Variants in CILK1 observed in about 807,000 individuals in gnomAD.
CILK1 encodes serine/threonine-protein kinase ICK.
Under a neutral mutation model 79.2 loss-of-function variants are expected in CILK1, and 47 were observed. That is an observed-to-expected ratio of 0.59 (90% CI 0.47 to 0.76). CILK1 has a LOEUF of 0.76. Among genes scored for constraint, CILK1 ranks in the 30% least tolerant of loss-of-function variants. The pLI is 0.00. For missense variants in CILK1, 660 were observed against 769.5 expected, an observed-to-expected ratio of 0.86 and a Z score of 1.68; for synonymous variants, 266 against 275.9, an observed-to-expected ratio of 0.96 and a Z score of 0.36.
At chr6:53,041,908 C>CT (rs934652891) in intron 1 of CILK1, among the ~76,000 whole-genome samples, 36 of 149,006 alleles carry the variant, frequency 2.4e-4, no homozygotes, top group Non-Finnish European at 3.6e-4. Flanking sequence ...ATTACCTTAC[C>CT]TTTTTTTTTT....
Position 53,008,943 on chromosome 6 carries a change from T to C in CILK1, c.1621+496A>G, listed in dbSNP as rs369785133. Among the ~76,000 whole-genome samples, 5 of 152,184 alleles carry C rather than the reference T, an allele frequency of 3.3e-5. No individual in the cohort carries two copies. In the East Asian group the frequency reaches 5.8e-4, roughly 18 times the overall value. ...TACTGTGAACAGGGTTTGTCAGCCT[T>C]GGGACTCAGTAAATTCATTCATCCG... On this transcript the variant is annotated intron_variant, in intron 12 of 13. Transcript: ENST00000676107.
At chr6:53,042,730 A>C (rs1293267013) in intron 1 of CILK1, among the ~76,000 whole-genome samples, 1 of 152,262 alleles carries the variant, frequency 6.6e-6, no homozygotes, top group Non-Finnish European at 1.5e-5. Flanking sequence ...AGACAAGGAC[A>C]GACTAAGGAA....
chr6:53,014,872 A>G (rs541009855), intron 8 of CILK1, among the ~76,000 whole-genome samples: 1 of 152,308 alleles, frequency 6.6e-6, no homozygotes, highest in South Asian at 2.1e-4. Context: ...TCCTTGTTAC[A>G]GAATCTTTTT....
chr6:53,031,068 G>C lies in CILK1; in HGVS notation c.355C>G (p.His119Asp). The change falls in exon 5 of 14, where the codon CAC becomes GAC. Residue 119 changes from histidine to aspartate, a missense_variant. By Grantham distance (81) the His-to-Asp change is moderately conservative (BLOSUM62 -1). Coordinates refer to ENST00000676107, the MANE Select transcript of CILK1 (RefSeq NM_014920.5). Reference protein sequence around the residue: ...ILQGLAFIHKHGFFHRDLKPE... With the variant: ...ILQGLAFIHKDGFFHRDLKPE... ...CACAACACTCCGAATCACCTACCGTGTTTGTGAATAAATGCGAGTCCTTGT... is the reference window on the plus strand; with the variant it reads ...CACAACACTCCGAATCACCTACCGTCTTTGTGAATAAATGCGAGTCCTTGT... 1 of 1,589,846 alleles carries C rather than the reference G, an allele frequency of 6.3e-7. No individual in the cohort carries two copies. Among genetic ancestry groups the C allele is most frequent in the East Asian group, 2.2e-5 (1 of 44,722 alleles).
intron 5 of CILK1, among the ~76,000 whole-genome samples, chr6:53,026,319 T>C (rs1257360567): frequency 6.6e-6 from 1 of 152,074 alleles, no homozygotes; most frequent in African/African-American, 2.4e-5. Context: ...CAGCTAATTT[T>C]TGTATTTTTA....
Position 53,016,205 on chromosome 6 carries a change from G to T in CILK1, c.709C>A (p.Arg237Ser). The T allele has an allele frequency of 6.2e-7, 1 of 1,614,062 alleles. No individual in the cohort carries two copies. The highest frequency in any genetic ancestry group is 1.6e-4 in the Middle Eastern group (1 of 6,062). The change falls in exon 8 of 14, where the codon CGT becomes AGT. Residue 237 changes from arginine to serine, a missense_variant. Arg to Ser is a moderately radical substitution (Grantham distance 110). Transcript: ENST00000676107. ...GYQLSSAMNFRWPQCVPNNLK... is the reference protein window; with the variant it reads ...GYQLSSAMNFSWPQCVPNNLK... ...TTATTGGGTACACACTGTGGCCAAC[G>T]GAAGTTCATTGCACTTGAAAGTTGA... is the stretch of plus-strand genomic sequence containing the variant.
chr6:53,059,863 C>CTCAT (rs559359003), intron 1 of CILK1, among the ~76,000 whole-genome samples: 326 of 152,300 alleles, frequency 2.1e-3, no homozygotes, highest in African/African-American at 7.3e-3. Context: ...AGGGATGCTT[C>CTCAT]TCATTCATTC....
intron 1 of CILK1, among the ~76,000 whole-genome samples, chr6:53,043,826 A>T (rs1010045542): frequency 1.3e-5 from 2 of 152,312 alleles, no homozygotes; most frequent in South Asian, 4.1e-4. Flanking sequence ...AAGTATGTGG[A>T]GGGGAATTAA....
chr6:53,052,767 C>A (rs915167202), intron 1 of CILK1, among the ~76,000 whole-genome samples: 5 of 151,636 alleles, frequency 3.3e-5, no homozygotes, highest in African/African-American at 1.2e-4. Flanking sequence ...TAGGGAATTT[C>A]CTATATAAAT....
At chr6:53,009,366 A>G (rs1764423754) in intron 12 of CILK1, 73 bp downstream of exon 12, 2 of 1,461,120 alleles carry the variant, frequency 1.4e-6, no homozygotes, top group African/African-American at 2.8e-5. Context: ...CCGTCCCATG[A>G]CTCCTTGTGC....
At chr6:53,031,796 T>A (rs961300599) in intron 4 of CILK1, among the ~76,000 whole-genome samples, 1 of 152,196 alleles carries the variant, frequency 6.6e-6, no homozygotes, top group East Asian at 1.9e-4. Context: ...AATGGAAAAC[T>A]GCAATGTCTA....
chr6:53,055,505 T>C lies in CILK1; in HGVS notation c.-173+6091A>G, dbSNP rs143155470. On this transcript the variant is annotated intron_variant, in intron 1 of 13. Coordinates refer to ENST00000676107, the MANE Select transcript of CILK1 (RefSeq NM_014920.5). ...TTCTTTACATGGATCTTGCTTTGTC[T>C]TTACCTTGACAGAGGAGTGAATTAA... Among the ~76,000 whole-genome samples, 96 of 152,358 alleles carry C rather than the reference T, an allele frequency of 6.3e-4. 1 individual carries two copies. Among genetic ancestry groups the C allele is most frequent in the Middle Eastern group, 3.4e-3 (1 of 294 alleles).
At chr6:53,050,237 C>T (rs1044621592) in intron 1 of CILK1, among the ~76,000 whole-genome samples, 1 of 151,920 alleles carries the variant, frequency 6.6e-6, no homozygotes, top group African/African-American at 2.4e-5. Flanking sequence ...CATTAGCATA[C>T]AAAGATTTCA....
intron 5 of CILK1, among the ~76,000 whole-genome samples, chr6:53,029,869 C>T (rs1307722533): frequency 6.6e-6 from 1 of 152,172 alleles, no homozygotes; most frequent in Non-Finnish European, 1.5e-5. Flanking sequence ...TCTACCTATG[C>T]AAAATCAGCT....
Position 53,011,773 on chromosome 6 carries a change from C to G in CILK1, c.1488G>C (p.Leu496Phe). The G allele has an allele frequency of 6.2e-7, 1 of 1,613,936 alleles. No individual in the cohort carries two copies. The highest frequency in any genetic ancestry group is 8.5e-7 in the Non-Finnish European group (1 of 1,179,840). ...KQHYLKHSRY[L>F]PGISIRNGIL... ...AAGCCAAGTCATTTATATTACCAGG[C>G]AAGTATCGAGAGTGCTTCAAATAGT... The change falls in exon 11 of 14, where the codon TTG becomes TTC. Residue 496 changes from leucine to phenylalanine, a missense_variant. Coordinates refer to ENST00000676107, the MANE Select transcript of CILK1 (RefSeq NM_014920.5).
chr6:53,058,238 G>C (rs958799452), intron 1 of CILK1, among the ~76,000 whole-genome samples: 4 of 152,158 alleles, frequency 2.6e-5, no homozygotes, highest in African/African-American at 9.7e-5. Context: ...ACTAGGAGCA[G>C]ACAGATTGAA....
chr6:53,058,259 C>T (rs1321822068), intron 1 of CILK1, among the ~76,000 whole-genome samples: 2 of 152,114 alleles, frequency 1.3e-5, no homozygotes, highest in African/African-American at 4.8e-5. Flanking sequence ...TGAAGATGCC[C>T]ATATCAACCT....
rs369441106 is a variant in CILK1 at position 53,019,509 on chromosome 6, T to C, written c.359-150A>G. 76 of 780,252 alleles carry C rather than the reference T, an allele frequency of 9.7e-5. No individual in the cohort carries two copies. The East Asian group carries it at 1.3e-3, about 13-fold the overall frequency. 48.3% of individuals were successfully genotyped at this position (780,252 alleles called of 1,614,324 possible). The stretch of plus-strand genomic sequence containing the variant: ...TTATGCATTCATCCCACAGATAATG[T>C]AGAGTCCTTCGAACTTCTCATAGGA... On this transcript the variant is annotated intron_variant, in intron 5 of 13. Coordinates refer to ENST00000676107, the MANE Select transcript of CILK1 (RefSeq NM_014920.5).
intron 12 of CILK1, among the ~76,000 whole-genome samples, chr6:53,008,468 C>G (rs1012128499): frequency 6.6e-6 from 1 of 151,794 alleles, no homozygotes; most frequent in Non-Finnish European, 1.5e-5. Flanking sequence ...CTCTATCACC[C>G]AGGTTGGAGT....
Sources: gnomAD v4.1 joint callset for allele counts (sites outside exome capture counted in the v4.1 genomes callset) on GRCh38, gnomAD v4.1.1 for gene constraint, MANE v1.5 for transcripts, NCBI Gene and HGNC (gene_info 2026-07-23, HGNC 2026-07-21) for gene names.